The following MEMO1 variants were observed in gnomAD, a reference collection of about 807,000 sequenced individuals.
The protein encoded by MEMO1 is protein MEMO1.
In MEMO1, 6 loss-of-function variants were observed where a neutral mutation model predicts 45.2. That is an observed-to-expected ratio of 0.13 (90% CI 0.07 to 0.26). MEMO1 has a LOEUF of 0.26. Ranked by LOEUF, MEMO1 falls within the 10% of genes least tolerant of loss-of-function variation. The probability of loss-of-function intolerance (pLI) is 1.00; values close to 1 mark genes in which losing one functional copy is unlikely to be tolerated. For synonymous variants in MEMO1, 78 were observed against 124.3 expected, an observed-to-expected ratio of 0.63 and a Z score of 2.48; for missense variants, 184 against 370.5, an observed-to-expected ratio of 0.50 and a Z score of 4.13.
chr2:31,947,188 A>G (rs1207985897), intron 2 of MEMO1, among the ~76,000 whole-genome samples: 5 of 152,310 alleles, frequency 3.3e-5, no homozygotes, highest in African/African-American at 7.2e-5. Context: ...AGATAAAAGC[A>G]AAGAAAATAT....
chr2:31,999,710 C>G (rs1411760252), intron 2 of MEMO1, among the ~76,000 whole-genome samples: 1 of 152,132 alleles, frequency 6.6e-6, no homozygotes, highest in Non-Finnish European at 1.5e-5. Context: ...TGATACTACT[C>G]TGTTCCAGTT....
chr2:31,890,921 T>TA (rs1676878492), intron 7 of MEMO1, among the ~76,000 whole-genome samples: 1 of 152,148 alleles, frequency 6.6e-6, no homozygotes, highest in African/African-American at 2.4e-5. Context: ...CTAAGTACCT[T>TA]ATGCAAAAAA....
intron 6 of MEMO1, among the ~76,000 whole-genome samples, chr2:31,895,603 T>C (rs983045728): frequency 2.6e-4 from 40 of 152,072 alleles, no homozygotes; most frequent in Non-Finnish European, 7.4e-5. Context: ...GAACAGAGCA[T>C]TGGAGACTTG....
chr2:31,987,870 T>G (rs1205929375), intron 2 of MEMO1, among the ~76,000 whole-genome samples: 1 of 152,078 alleles, frequency 6.6e-6, no homozygotes, highest in African/African-American at 2.4e-5. Context: ...ATTCAGTAGG[T>G]TTCCAATCAT....
At chr2:31,988,235 A>C (rs1275157835) in intron 2 of MEMO1, among the ~76,000 whole-genome samples, 1 of 152,130 alleles carries the variant, frequency 6.6e-6, no homozygotes, top group East Asian at 1.9e-4. Flanking sequence ...CTGTATTGGG[A>C]TTTTCCCTGA....
At chr2:31,918,065 T>A (rs1322761928) in intron 5 of MEMO1, 28 bp from the exon 6 acceptor site, 1 of 1,492,890 alleles carries the variant, frequency 6.7e-7, no homozygotes, top group Non-Finnish European at 9.2e-7. Context: ...TACAGTAAAA[T>A]AAATATATTA....
intron 5 of MEMO1, among the ~76,000 whole-genome samples, chr2:31,920,294 T>C (rs1682128102): frequency 6.6e-6 from 1 of 152,096 alleles, no homozygotes; most frequent in Admixed American, 6.6e-5. Context: ...ACCAAAATTG[T>C]AGGCATGTTT....
intron 4 of MEMO1, among the ~76,000 whole-genome samples, chr2:31,922,350 A>G (rs1183468022): frequency 1.3e-5 from 2 of 152,026 alleles, no homozygotes; most frequent in Non-Finnish European, 2.9e-5. Context: ...TATGAAAAAA[A>G]AAAAAAAAAG....
intron 9 of MEMO1, among the ~76,000 whole-genome samples, chr2:31,869,616 T>A (rs1673369557): frequency 6.6e-6 from 1 of 152,074 alleles, no homozygotes; most frequent in Non-Finnish European, 1.5e-5. Flanking sequence ...AATGTGGGTC[T>A]CTATTCTAAA....
chr2:32,000,479 C>G (rs1673155055), intron 2 of MEMO1, among the ~76,000 whole-genome samples: 1 of 152,106 alleles, frequency 6.6e-6, no homozygotes, highest in Admixed American at 6.5e-5. Flanking sequence ...ATCCGCCCGC[C>G]TCGGCCTCCC....
intron 4 of MEMO1, chr2:31,923,772 A>C: frequency 6.6e-7 from 1 of 1,513,910 alleles, no homozygotes; most frequent in Non-Finnish European, 8.8e-7. Flanking sequence ...GATTTTTAAA[A>C]TAACAATCTA....
rs376524077 is a variant in MEMO1, at chr2:31,930,811, AT to A, written c.212+1255del. Among the ~76,000 whole-genome samples, 138 of 126,088 alleles carry A rather than the reference AT, an allele frequency of 1.1e-3. 1 individual carries two copies. Among genetic ancestry groups the A allele is most frequent in the East Asian group, 2.4e-3 (11 of 4,556 alleles). 82.7% of individuals were successfully genotyped at this position (126,088 alleles called of 152,430 possible). On this transcript the variant is annotated intron_variant, in intron 4 of 9. Transcript: ENST00000404530. The stretch of plus-strand genomic sequence containing the variant: ...CAGGCGTGTGCCACCACGCCTGGCA[AT>A]TTTTTTTTTTTTTTTTTTTGTATTT...
At chr2:32,001,658 T>C (rs1045919680) in intron 2 of MEMO1, among the ~76,000 whole-genome samples, 1 of 152,068 alleles carries the variant, frequency 6.6e-6, no homozygotes, top group Non-Finnish European at 1.5e-5. Context: ...AGTCTTAGTT[T>C]TTCTTCTTAA....
intron 2 of MEMO1, among the ~76,000 whole-genome samples, chr2:31,993,945 C>CTTTTTTTTTTTTTTTTTTT (rs1558562652): frequency 8.0e-6 from 1 of 124,580 alleles, no homozygotes; most frequent in African/African-American, 3.1e-5. Context: ...ATCATCAATA[C>CTTTTTTTTTTTTTTTTTTT]TTTCTTTTTT....
chr2:31,935,348 T>A (rs1032512173), intron 3 of MEMO1, among the ~76,000 whole-genome samples: 2 of 152,178 alleles, frequency 1.3e-5, no homozygotes, highest in African/African-American at 4.8e-5. Flanking sequence ...CCTATAAAAC[T>A]ACACGAAAGG....
chr2:31,943,488 T>C, intron 2 of MEMO1, 105 bp from the exon 3 acceptor site: 1 of 789,956 alleles, frequency 1.3e-6, no homozygotes, highest in East Asian at 2.4e-5. Context: ...TAAACTAGCT[T>C]AATGCGCAAT....
At chr2:31,924,444 G>GT (rs1319400333) in intron 4 of MEMO1, among the ~76,000 whole-genome samples, 1 of 140,238 alleles carries the variant, frequency 7.1e-6, no homozygotes, top group Non-Finnish European at 1.5e-5. Flanking sequence ...TGATACACAA[G>GT]TTAAAAAAAA....
chr2:31,963,054 C>G (rs1033644457), intron 2 of MEMO1: 4 of 1,335,136 alleles, frequency 3.0e-6, no homozygotes, highest in Non-Finnish European at 3.0e-6. Context: ...CTGCCTTCAC[C>G]TTCAAACTGA....
chr2:31,931,847 C>A (rs1255584079), intron 4 of MEMO1, among the ~76,000 whole-genome samples: 2 of 152,048 alleles, frequency 1.3e-5, no homozygotes, highest in Non-Finnish European at 2.9e-5. Context: ...AAACATTTTA[C>A]ATGCCAAAGG....
Sources: gnomAD v4.1 joint callset for allele counts (sites outside exome capture counted in the v4.1 genomes callset) on GRCh38, gnomAD v4.1.1 for gene constraint, MANE v1.5 for transcripts, NCBI Gene and HGNC (gene_info 2026-07-23, HGNC 2026-07-21) for gene names.